TNR: variants seen among roughly 807,000 people sequenced by gnomAD.
TNR encodes tenascin-R.
Under a neutral mutation model 150.4 loss-of-function variants are expected in TNR, and 45 were observed. The observed-to-expected ratio is 0.30, with a 90% CI of 0.24 to 0.38. The LOEUF (loss-of-function observed/expected upper bound fraction) is 0.38, where lower values mean the gene tolerates loss of function less well. Ranked by LOEUF, TNR falls within the 10% of genes least tolerant of loss-of-function variation. The pLI, the probability that TNR is intolerant of heterozygous loss-of-function variation, is 1.00. For missense variants in TNR, 1,544 were observed against 1,759.1 expected, an observed-to-expected ratio of 0.88 and a Z score of 2.19; for synonymous variants, 687 against 678.4, an observed-to-expected ratio of 1.01 and a Z score of -0.20.
chr1:175,349,048 T>C (rs1401343928), intron 18 of TNR, among the ~76,000 whole-genome samples: 1 of 152,148 alleles, frequency 6.6e-6, no homozygotes, highest in Non-Finnish European at 1.5e-5. Flanking sequence ...ATATAAATTA[T>C]CTCTATGAGA....
At position 175,458,251 on chromosome 1, in the gene TNR, G is replaced by C. The variant is rs115925565; in HGVS notation, c.-63-51474C>G. Among the ~76,000 whole-genome samples, 327 of 152,206 alleles carry C rather than the reference G, an allele frequency of 2.1e-3. 3 individuals carry two copies. The highest frequency in any genetic ancestry group is 7.6e-3 in the African/African-American group (317 of 41,532). Reference sequence around the variant, plus strand: ...GTCTTTATGCTCAAATTAATGTTATGATTACTGTGTAAACCATTATGCTGT... The same window carrying C: ...GTCTTTATGCTCAAATTAATGTTATCATTACTGTGTAAACCATTATGCTGT... On this transcript the variant is annotated intron_variant, in intron 2 of 22. Coordinates refer to ENST00000367674, the MANE Select transcript of TNR (RefSeq NM_003285.3).
At chr1:175,490,962 A>G (rs1430724898) in intron 2 of TNR, among the ~76,000 whole-genome samples, 2 of 152,254 alleles carry the variant, frequency 1.3e-5, no homozygotes, top group African/African-American at 2.4e-5. Context: ...AAGACATATA[A>G]TTAACCTAAA....
Position 175,487,067 on chromosome 1 carries a change from G to A in TNR, c.-64+41202C>T, listed in dbSNP as rs112301795. ...GATTGCGAAATTTTTCTCCCATTCT[G>A]TAGGTTGCCTGTTTACTCTGATGAT... On this transcript the variant is annotated intron_variant, in intron 2 of 22. Coordinates refer to ENST00000367674, the MANE Select transcript of TNR (RefSeq NM_003285.3). 1.4e-3 allele frequency among the ~76,000 whole-genome samples: 220 copies of A among 152,294 alleles called. 2 individuals carry two copies. The highest frequency in any genetic ancestry group is 5.0e-3 in the African/African-American group (209 of 41,568).
intron 2 of TNR, among the ~76,000 whole-genome samples, chr1:175,516,967 T>A (rs975341711): frequency 1.3e-5 from 2 of 151,014 alleles, no homozygotes; most frequent in Non-Finnish European, 2.9e-5. Flanking sequence ...TTGACACTTT[T>A]TAATCCCTGA....
chr1:175,557,639 T>C (rs1433123656), intron 1 of TNR, among the ~76,000 whole-genome samples: 1 of 151,178 alleles, frequency 6.6e-6, no homozygotes, highest in Non-Finnish European at 1.5e-5. Flanking sequence ...CTGGAGAGGA[T>C]GTGGAGAAAT....
At chr1:175,462,383 C>T (rs376303619) in intron 2 of TNR, among the ~76,000 whole-genome samples, 8 of 152,108 alleles carry the variant, frequency 5.3e-5, no homozygotes, top group East Asian at 1.9e-4. Flanking sequence ...TTGTGTGTAC[C>T]GAAAACATTT....
At position 175,628,913 on chromosome 1, in the gene TNR, G is replaced by A. The variant is rs1664241781; in HGVS notation, c.-164-100544C>T. Among the ~76,000 whole-genome samples the A allele has an allele frequency of 2.0e-5, 3 of 152,156 alleles. No homozygotes were observed. In the South Asian group the frequency reaches 6.2e-4, roughly 32 times the overall value. On this transcript the variant is annotated intron_variant, in intron 1 of 22. Coordinates refer to ENST00000367674, the MANE Select transcript of TNR (RefSeq NM_003285.3). ...AAGTCATGAAGGACACTTATCTCTGGGACTCTGTAGAAAACAAAAGAAATC... is the reference window on the plus strand; with the variant it reads ...AAGTCATGAAGGACACTTATCTCTGAGACTCTGTAGAAAACAAAAGAAATC...
intron 1 of TNR, among the ~76,000 whole-genome samples, chr1:175,698,795 TGGG>T (rs1666604337): frequency 6.6e-6 from 1 of 151,300 alleles, no homozygotes; most frequent in Non-Finnish European, 1.5e-5. Flanking sequence ...AGATCACGCC[TGGG>T]CAATAAAAGT....
intron 1 of TNR, among the ~76,000 whole-genome samples, chr1:175,558,133 G>GA (rs1256636327): frequency 1.0e-5 from 1 of 98,392 alleles, no homozygotes; most frequent in Non-Finnish European, 2.1e-5. Context: ...GGGGTGGGGG[G>GA]AGGGGGGAGG....
intron 11 of TNR, among the ~76,000 whole-genome samples, 179 bp from the exon 12 acceptor site, chr1:175,365,458 C>T (rs192872258): frequency 9.1e-4 from 139 of 152,230 alleles, no homozygotes; most frequent in South Asian, 5.4e-3. Context: ...TTTTTCCAAT[C>T]CAAATATAGG....
chr1:175,508,316 G>A (rs1303371231), intron 2 of TNR, among the ~76,000 whole-genome samples: 2 of 152,166 alleles, frequency 1.3e-5, no homozygotes, highest in Non-Finnish European at 2.9e-5. Flanking sequence ...CTTTAAGTGG[G>A]AAGAACCCTA....
chr1:175,648,043 C>A (rs1348100054), intron 1 of TNR, among the ~76,000 whole-genome samples: 2 of 152,010 alleles, frequency 1.3e-5, no homozygotes, highest in African/African-American at 2.4e-5. Context: ...CTCCTTGAAG[C>A]CTTCTCTGAT....
chr1:175,386,497 C>T (rs1452263900), intron 7 of TNR, among the ~76,000 whole-genome samples, 196 bp from the exon 8 acceptor site: 2 of 152,082 alleles, frequency 1.3e-5, no homozygotes, highest in African/African-American at 4.8e-5. Context: ...TGCCTTGATT[C>T]CCCTGAATTT....
intron 9 of TNR, among the ~76,000 whole-genome samples, chr1:175,376,725 C>G (rs779963146): frequency 8.5e-5 from 13 of 152,180 alleles, no homozygotes; most frequent in African/African-American, 1.2e-4. Flanking sequence ...CAACTAGCAT[C>G]TCAGCGAGTA....
chr1:175,616,483 T>C (rs1026129582), intron 1 of TNR, among the ~76,000 whole-genome samples: 1 of 152,120 alleles, frequency 6.6e-6, no homozygotes, highest in Non-Finnish European at 1.5e-5. Context: ...GAAGCAGAAA[T>C]TTGAAGGCTT....
intron 2 of TNR, among the ~76,000 whole-genome samples, chr1:175,426,758 G>A (rs550298445): frequency 2.1e-4 from 28 of 133,846 alleles, no homozygotes; most frequent in South Asian, 1.7e-3. Context: ...CTATACACGC[G>A]TGTGTGTGTA....
At chr1:175,472,854 C>G (rs141013735) in intron 2 of TNR, among the ~76,000 whole-genome samples, 1 of 152,174 alleles carries the variant, frequency 6.6e-6, no homozygotes, top group Non-Finnish European at 1.5e-5. Flanking sequence ...AGGCCTCACA[C>G]CTGCCCTTCC....
intron 1 of TNR, among the ~76,000 whole-genome samples, chr1:175,584,033 C>T (rs1662472059): frequency 6.6e-6 from 1 of 152,140 alleles, no homozygotes; most frequent in Admixed American, 6.5e-5. Context: ...GGCTCAAATA[C>T]CTCATCTGTA....
chr1:175,569,478 C>T (rs577287747), intron 1 of TNR, among the ~76,000 whole-genome samples: 22 of 152,304 alleles, frequency 1.4e-4, no homozygotes, highest in Admixed American at 1.2e-3. Flanking sequence ...TGCTTTCAAG[C>T]AGCTGACGAT....
Sources: allele counts gnomAD v4.1 joint callset (sites outside exome capture counted in the v4.1 genomes callset), GRCh38; gene constraint gnomAD v4.1.1; transcripts MANE v1.5; gene names NCBI Gene and HGNC (gene_info 2026-07-23, HGNC 2026-07-21).